Variants in PKP4 observed in about 807,000 individuals in gnomAD.
PKP4 encodes the protein plakophilin-4.
In PKP4, 90 loss-of-function variants were observed where a neutral mutation model predicts 145.1. The ratio of observed to expected loss-of-function variants is 0.62; its 90% CI spans 0.52 to 0.74. The LOEUF is 0.74. Among genes scored for constraint, PKP4 ranks in the 30% least tolerant of loss-of-function variants. PKP4 has a pLI of 0.00. For missense variants in PKP4, 1,340 were observed against 1,482.7 expected, an observed-to-expected ratio of 0.90 and a Z score of 1.58; for synonymous variants, 563 against 577.2, an observed-to-expected ratio of 0.98 and a Z score of 0.35.
chr2:158,514,140 T>A (rs929227721), intron 1 of PKP4, among the ~76,000 whole-genome samples: 1 of 152,248 alleles, frequency 6.6e-6, no homozygotes, highest in African/African-American at 2.4e-5. Flanking sequence ...ACAGATATGT[T>A]GTCATATCTT....
At chr2:158,537,372 G>T (rs950704262) in intron 2 of PKP4, among the ~76,000 whole-genome samples, 12 of 152,172 alleles carry the variant, frequency 7.9e-5, no homozygotes, top group African/African-American at 2.9e-4. Flanking sequence ...GGAATAAAAG[G>T]ATGTGGTTAT....
intron 1 of PKP4, among the ~76,000 whole-genome samples, chr2:158,468,672 G>A (rs541368229): frequency 7.9e-5 from 12 of 151,772 alleles, no homozygotes; most frequent in Admixed American, 2.6e-4. Flanking sequence ...TAATCCAGTC[G>A]TTAGGTTGAA....
chr2:158,496,258 G>A (rs746203981), intron 1 of PKP4, among the ~76,000 whole-genome samples: 52 of 152,132 alleles, frequency 3.4e-4, no homozygotes, highest in Non-Finnish European at 6.6e-4. Context: ...TGGGATTACA[G>A]GCTTGAGCCA....
At chr2:158,630,427 A>T (rs2105910981) in intron 7 of PKP4, among the ~76,000 whole-genome samples, 1 of 152,352 alleles carries the variant, frequency 6.6e-6, no homozygotes. Flanking sequence ...GAGTTCTTAT[A>T]AAAACAGTTT....
At chr2:158,652,741 G>A (rs113927349) in intron 11 of PKP4, among the ~76,000 whole-genome samples, 4 of 152,312 alleles carry the variant, frequency 2.6e-5, no homozygotes, top group African/African-American at 9.6e-5. Flanking sequence ...GGCAGGAGGT[G>A]GGGAGGATTA....
At chr2:158,466,034 C>G (rs1016609661) in intron 1 of PKP4, among the ~76,000 whole-genome samples, 1 of 152,188 alleles carries the variant, frequency 6.6e-6, no homozygotes, top group African/African-American at 2.4e-5. Context: ...CAACATTAAT[C>G]CATAAATCTC....
intron 1 of PKP4, among the ~76,000 whole-genome samples, chr2:158,507,772 G>GT (rs2041125089): frequency 6.6e-6 from 1 of 152,160 alleles, no homozygotes; most frequent in Non-Finnish European, 1.5e-5. Context: ...TGATAAGAAG[G>GT]TAGTGTGGGG....
At chr2:158,645,550 A>G (rs1480530366) in intron 11 of PKP4, among the ~76,000 whole-genome samples, 1 of 152,166 alleles carries the variant, frequency 6.6e-6, no homozygotes, top group Non-Finnish European at 1.5e-5. Context: ...CCGTGCAGCC[A>G]GGAGGGCTGC....
At chr2:158,587,083 C>T (rs1479656284) in intron 3 of PKP4, among the ~76,000 whole-genome samples, 1 of 152,086 alleles carries the variant, frequency 6.6e-6, no homozygotes, top group African/African-American at 2.4e-5. Flanking sequence ...TTAGACTGAG[C>T]ATTTTAAATG....
intron 1 of PKP4, among the ~76,000 whole-genome samples, chr2:158,489,081 A>G (rs1574066739): frequency 6.6e-6 from 1 of 152,230 alleles, no homozygotes; most frequent in Admixed American, 6.5e-5. Flanking sequence ...CACATTCTCT[A>G]CATCCAGAAA....
At position 158,658,260 on chromosome 2, in the gene PKP4, A is replaced by C; in HGVS notation, c.2039A>C (p.His680Pro). 1.9e-6 allele frequency: 3 copies of C among 1,607,932 alleles called. No individual in the cohort carries two copies. The highest frequency in any genetic ancestry group is 2.6e-6 in the Non-Finnish European group (3 of 1,175,284). The change falls in exon 12 of 22, where the codon CAT becomes CCT. Residue 680 changes from histidine to proline, a missense_variant. Physicochemically the swap from His to Pro is moderately conservative, Grantham distance 77 (BLOSUM62 -2). Coordinates refer to ENST00000389759, the MANE Select transcript of PKP4 (RefSeq NM_003628.6). ...GWNNSSFDDD[H>P]KIKFQTSLVL... is the part of the protein sequence containing the mutation. ...AATAACTCTTCTTTTGATGATGATC[A>C]TAAAATTAAATTTCAGACTTCACTA...
chr2:158,459,267 A>T (rs182354680), intron 1 of PKP4, among the ~76,000 whole-genome samples: 1 of 150,130 alleles, frequency 6.7e-6, no homozygotes, highest in South Asian at 2.1e-4. Flanking sequence ...GAAAAGCATC[A>T]TATGTGTGTT....
chr2:158,665,659 G>C (rs192439621), intron 15 of PKP4, among the ~76,000 whole-genome samples: 3 of 152,106 alleles, frequency 2.0e-5, no homozygotes, highest in Admixed American at 2.0e-4. Flanking sequence ...GTTTTCTAAC[G>C]TTACTCTTTT....
intron 1 of PKP4, among the ~76,000 whole-genome samples, chr2:158,503,940 T>C (rs1696944183): frequency 6.6e-6 from 1 of 150,418 alleles, no homozygotes; most frequent in Non-Finnish European, 1.5e-5. Flanking sequence ...GAGACTACTG[T>C]TTTAGGATTT....
intron 3 of PKP4, among the ~76,000 whole-genome samples, chr2:158,594,051 G>A (rs1249514705): frequency 6.6e-6 from 1 of 152,188 alleles, no homozygotes; most frequent in Admixed American, 6.5e-5. Flanking sequence ...AGGGAAATAT[G>A]AGTCTGACTC....
At chr2:158,520,187 G>T (rs1322761409) in intron 1 of PKP4, among the ~76,000 whole-genome samples, 1 of 152,140 alleles carries the variant, frequency 6.6e-6, no homozygotes, top group African/African-American at 2.4e-5. Context: ...GCTGCATAAG[G>T]CCAGAGGAGC....
At chr2:158,583,922 G>A (rs758056480) in intron 3 of PKP4, among the ~76,000 whole-genome samples, 6 of 151,882 alleles carry the variant, frequency 4.0e-5, no homozygotes, top group Non-Finnish European at 7.4e-5. Context: ...AGATCACAGC[G>A]AGGGAGCTGC....
chr2:158,652,308 A>G (rs1437162820), intron 11 of PKP4, among the ~76,000 whole-genome samples: 1 of 152,258 alleles, frequency 6.6e-6, no homozygotes, highest in African/African-American at 2.4e-5. Context: ...ACAGGTCTAT[A>G]CTGCATTTGG....
intron 1 of PKP4, among the ~76,000 whole-genome samples, chr2:158,531,302 C>T (rs183267364): frequency 6.6e-6 from 1 of 152,196 alleles, no homozygotes; most frequent in Non-Finnish European, 1.5e-5. Flanking sequence ...TCTTCTTACA[C>T]ATTGGTTGTT....
Sources: gnomAD v4.1 joint callset for allele counts (sites outside exome capture counted in the v4.1 genomes callset) on GRCh38, gnomAD v4.1.1 for gene constraint, MANE v1.5 for transcripts, NCBI Gene and HGNC (gene_info 2026-07-23, HGNC 2026-07-21) for gene names.